GRIK3: variants seen among roughly 807,000 people sequenced by gnomAD.
The protein encoded by GRIK3 is glutamate ionotropic receptor kainate type subunit 3, also known as glutamate receptor ionotropic, kainate 3.
Under a neutral mutation model 102.5 loss-of-function variants are expected in GRIK3, and 29 were observed. The observed-to-expected ratio is 0.28, with a 90% CI of 0.21 to 0.39. The LOEUF (loss-of-function observed/expected upper bound fraction) is 0.39, where lower values mean the gene tolerates loss of function less well. Among genes scored for constraint, GRIK3 ranks in the 10% least tolerant of loss-of-function variants. GRIK3 has a pLI of 1.00. For missense variants in GRIK3, 908 were observed against 1,252.4 expected (o/e 0.73, Z 4.15); for synonymous variants, 511 against 504.9 (o/e 1.01, Z -0.16).
intron 1 of GRIK3, among the ~76,000 whole-genome samples, chr1:36,940,754 C>T (rs961067059): frequency 6.6e-6 from 1 of 152,178 alleles, no homozygotes; most frequent in Non-Finnish European, 1.5e-5. Context: ...AGTTAATCTT[C>T]GCCCCTTGCA....
At position 36,807,893 on chromosome 1, in the gene GRIK3, C is replaced by T. The variant is rs142140973; in HGVS notation, c.2092-1567G>A. On this transcript the variant is annotated intron_variant, in intron 13 of 15. Transcript: ENST00000373091. ...CCCCAAAGCCAAAGGCATGGAAGGG[C>T]CCAGATGCCTGCAGCTCTCACTGGC... Among the ~76,000 whole-genome samples the T allele has an allele frequency of 1.9e-3, 286 of 152,318 alleles. 2 individuals are homozygous for T. The highest frequency in any genetic ancestry group is 6.5e-3 in the African/African-American group (272 of 41,556).
intron 1 of GRIK3, among the ~76,000 whole-genome samples, chr1:36,905,311 T>A (rs1428101439): frequency 6.6e-6 from 1 of 152,168 alleles, no homozygotes; most frequent in Non-Finnish European, 1.5e-5. Flanking sequence ...TCATTTCTCC[T>A]CAGATTAATT....
chr1:36,838,763 C>T (rs1054930303), intron 10 of GRIK3, among the ~76,000 whole-genome samples: 1 of 152,180 alleles, frequency 6.6e-6, no homozygotes, highest in Admixed American at 6.5e-5. Flanking sequence ...AATAATATTG[C>T]CAAGCCTTTG....
intron 5 of GRIK3, among the ~76,000 whole-genome samples, chr1:36,864,992 T>C (rs951624548): frequency 6.6e-6 from 1 of 152,210 alleles, no homozygotes. Flanking sequence ...AGGGACCTTT[T>C]AGAAACATTC....
chr1:36,958,544 G>C (rs970141630), intron 1 of GRIK3, among the ~76,000 whole-genome samples: 2 of 150,674 alleles, frequency 1.3e-5, no homozygotes, highest in African/African-American at 4.9e-5. Context: ...CCGTGAGCCT[G>C]TGTGCCCTGT....
At chr1:36,855,384 G>A (rs978784916) in intron 7 of GRIK3, among the ~76,000 whole-genome samples, 2 of 152,214 alleles carry the variant, frequency 1.3e-5, no homozygotes, top group Admixed American at 6.5e-5. Flanking sequence ...CAGTTCCCTG[G>A]AGTTTCATTG....
intron 7 of GRIK3, among the ~76,000 whole-genome samples, chr1:36,857,165 G>A (rs940872363): frequency 6.6e-6 from 1 of 152,166 alleles, no homozygotes; most frequent in Non-Finnish European, 1.5e-5. Context: ...AGTCACTTTT[G>A]TCTGGCTCCT....
At chr1:36,963,458 G>A (rs1478143354) in intron 1 of GRIK3, among the ~76,000 whole-genome samples, 2 of 152,118 alleles carry the variant, frequency 1.3e-5, no homozygotes, top group East Asian at 1.9e-4. Context: ...GGAGAGGAAC[G>A]CCTTCTGTGT....
rs77555179 is a variant in GRIK3, at chr1:36,996,477, C to T, written c.115+37517G>A. Among the ~76,000 whole-genome samples, 13 of 152,290 alleles carry T rather than the reference C, an allele frequency of 8.5e-5. No individual in the cohort carries two copies. The East Asian group carries it at 1.7e-3, about 20-fold the overall frequency. On this transcript the variant is annotated intron_variant, in intron 1 of 15. Coordinates refer to ENST00000373091, the MANE Select transcript of GRIK3 (RefSeq NM_000831.4). ...AGACCTGGATTCTCAGTGCCAAAAC[C>T]GGGACAAGCCAAGACACGCGGGGCA... is the stretch of plus-strand genomic sequence containing the variant.
At chr1:36,989,698 G>A (rs915402197) in intron 1 of GRIK3, among the ~76,000 whole-genome samples, 6 of 152,114 alleles carry the variant, frequency 3.9e-5, no homozygotes, top group Non-Finnish European at 7.3e-5. Flanking sequence ...CACAGGCCAG[G>A]TCCCAGACTG....
At chr1:36,956,801 T>C (rs540822087) in intron 1 of GRIK3, among the ~76,000 whole-genome samples, 3 of 152,398 alleles carry the variant, frequency 2.0e-5, no homozygotes, top group Admixed American at 1.3e-4. Context: ...TACTGTTCTA[T>C]TCTCTCTACT....
intron 13 of GRIK3, among the ~76,000 whole-genome samples, chr1:36,811,444 G>A (rs188434420): frequency 3.3e-5 from 5 of 152,128 alleles, no homozygotes; most frequent in East Asian, 1.9e-4. Context: ...ATAAATAAGC[G>A]ATGTGTGGCC....
intron 1 of GRIK3, among the ~76,000 whole-genome samples, chr1:36,960,451 G>A (rs1641993034): frequency 6.6e-6 from 1 of 152,212 alleles, no homozygotes; most frequent in African/African-American, 2.4e-5. Context: ...AACATCACTG[G>A]GTGAATGGAA....
intron 1 of GRIK3, among the ~76,000 whole-genome samples, chr1:36,944,113 A>G (rs2124327989): frequency 6.6e-6 from 1 of 152,366 alleles, no homozygotes; most frequent in South Asian, 2.1e-4. Flanking sequence ...TGGGATACAT[A>G]CAGCTCAAAC....
In GRIK3 at chr1:36,858,821, C is replaced by T. The variant is rs574831317; in HGVS notation, c.1104+287G>A. 5.3e-5 allele frequency among the ~76,000 whole-genome samples: 8 copies of T among 152,322 alleles called. No individual in the cohort carries two copies. In the East Asian group the frequency reaches 1.5e-3, roughly 29 times the overall value. ...CAAGGTCATACAGCGAGGAAGCAAACACCCTCATCTGTTGTACTTTCAAGC... is the reference window on the plus strand; with the variant it reads ...CAAGGTCATACAGCGAGGAAGCAAATACCCTCATCTGTTGTACTTTCAAGC... On this transcript the variant is annotated intron_variant, in intron 7 of 15. Coordinates refer to ENST00000373091, the MANE Select transcript of GRIK3 (RefSeq NM_000831.4).
chr1:37,030,519 A>C (rs1642812221), intron 1 of GRIK3, among the ~76,000 whole-genome samples: 1 of 146,144 alleles, frequency 6.8e-6, no homozygotes. Flanking sequence ...AGCTGGGCCA[A>C]CCCTTCCTTT....
chr1:36,805,102 C>T lies in GRIK3; in HGVS notation c.2450G>A (p.Gly817Glu). The change falls in exon 15 of 16, where the codon GGG becomes GAG. Residue 817 changes from glycine to glutamate, a missense_variant. Around this residue, in one of 3 missense-constraint regions of GRIK3, gnomAD observed 297 missense variants for 362.7 expected, o/e 0.82. Coordinates refer to ENST00000373091, the MANE Select transcript of GRIK3 (RefSeq NM_000831.4). ...GAAGATGCCCCCGATCTTCTGGATC[C>T]CCAGGGCACTGGCCTCTTTGTTTTC... ...EEENKEASAL[G>E]IQKIGGIFIV... The T allele has an allele frequency of 6.2e-7, 1 of 1,614,190 alleles. No homozygotes were observed. Among genetic ancestry groups the T allele is most frequent in the African/African-American group, 1.3e-5 (1 of 75,040 alleles).
chr1:36,860,030 A>T lies in GRIK3; in HGVS notation c.787-13T>A, dbSNP rs1262567937. ...AAGCGTAGAGATCCTGGATAGAGAG[A>T]GGTCTGTGTAAACCAAGGCATGCTC... On this transcript the variant is annotated splice_polypyrimidine_tract_variant and intron_variant, in intron 5 of 15. Coordinates refer to ENST00000373091, the MANE Select transcript of GRIK3 (RefSeq NM_000831.4). 1 of 1,561,988 alleles carries T rather than the reference A, an allele frequency of 6.4e-7. No individual in the cohort carries two copies. The highest frequency in any genetic ancestry group is 8.7e-7 in the Non-Finnish European group (1 of 1,154,162).
At chr1:36,918,471 C>T (rs375155443) in intron 1 of GRIK3, among the ~76,000 whole-genome samples, 17 of 152,354 alleles carry the variant, frequency 1.1e-4, no homozygotes, top group African/African-American at 4.1e-4. Context: ...GACAAAGTAT[C>T]TGATCCCTTC....
Sources: gnomAD v4.1 joint callset for allele counts (sites outside exome capture counted in the v4.1 genomes callset) on GRCh38, gnomAD v4.1.1 for gene constraint, gnomAD v4.1.1 regional missense constraint, MANE v1.5 for transcripts, NCBI Gene and HGNC (gene_info 2026-07-23, HGNC 2026-07-21) for gene names.